Variants in MBD5 observed in about 807,000 individuals in gnomAD.
MBD5 encodes the protein methyl-CpG binding domain protein 5, also known as methyl-CpG-binding domain protein 5.
A neutral mutation model predicts 117.3 loss-of-function variants in MBD5; 13 were observed. The observed-to-expected ratio is 0.11, with a 90% confidence interval of 0.07 to 0.18. The LOEUF (loss-of-function observed/expected upper bound fraction) is 0.18. Among genes scored for constraint, MBD5 ranks in the 10% least tolerant of loss-of-function variants. The pLI is 1.00. For synonymous variants in MBD5, 727 were observed against 766.4 expected (o/e 0.95, Z 0.85); for missense variants, 1,879 against 2,093.8 (o/e 0.90, Z 2.00).
intron 2 of MBD5, among the ~76,000 whole-genome samples, chr2:148,195,537 A>G (rs1698961774): frequency 6.6e-6 from 1 of 152,176 alleles, no homozygotes. Flanking sequence ...CTTCAACAAC[A>G]CTAAAAACTA....
At chr2:148,199,011 T>C (rs1321169565) in intron 2 of MBD5, among the ~76,000 whole-genome samples, 2 of 151,920 alleles carry the variant, frequency 1.3e-5, no homozygotes, top group Non-Finnish European at 2.9e-5. Flanking sequence ...TATGTATTTA[T>C]GCATGTATAT....
intron 4 of MBD5, among the ~76,000 whole-genome samples, chr2:148,422,150 A>G (rs973912081): frequency 1.3e-5 from 2 of 152,176 alleles, no homozygotes; most frequent in African/African-American, 4.8e-5. Flanking sequence ...GACACCTTTC[A>G]GTAGGGGCTG....
intron 1 of MBD5, among the ~76,000 whole-genome samples, chr2:148,105,470 C>T (rs1036599128): frequency 6.6e-6 from 1 of 152,078 alleles, no homozygotes; most frequent in African/African-American, 2.4e-5. Flanking sequence ...CTGCCCGGAT[C>T]GGCCTCCCAG....
At chr2:148,493,510 A>G (rs1022992215) in intron 11 of MBD5, among the ~76,000 whole-genome samples, 1 of 152,226 alleles carries the variant, frequency 6.6e-6, no homozygotes, top group Non-Finnish European at 1.5e-5. Context: ...GAAGATTACT[A>G]TTTCAAAACA....
intron 4 of MBD5, among the ~76,000 whole-genome samples, chr2:148,403,947 A>G (rs1042157001): frequency 6.6e-6 from 1 of 151,996 alleles, no homozygotes; most frequent in African/African-American, 2.4e-5. Context: ...AAAGTTTGCC[A>G]TTTCAAAAAT....
intron 3 of MBD5, among the ~76,000 whole-genome samples, chr2:148,341,872 G>T (rs1052873193): frequency 2.9e-5 from 4 of 136,454 alleles, no homozygotes; most frequent in African/African-American, 1.1e-4. Flanking sequence ...GATGTTGAGA[G>T]AATTAAATGA....
chr2:148,235,014 A>G (rs943184815), intron 3 of MBD5, among the ~76,000 whole-genome samples: 4 of 152,104 alleles, frequency 2.6e-5, no homozygotes, highest in Non-Finnish European at 4.4e-5. Context: ...AGAACCCCCT[A>G]TGAATACCAA....
rs145654654 is a variant in MBD5 at position 148,280,767 on chromosome 2, G to T, written c.-680+47372G>T. Among the ~76,000 whole-genome samples, 335 of 152,176 alleles carry T rather than the reference G, an allele frequency of 2.2e-3. 3 individuals carry two copies. Among genetic ancestry groups the T allele is most frequent in the Admixed American group, 9.6e-3 (146 of 15,268 alleles). On this transcript the variant is annotated intron_variant, in intron 3 of 13. Coordinates refer to ENST00000642680, the MANE Select transcript of MBD5 (RefSeq NM_001378120.1). ...CTTGCTGTGAAAAGTAGTTATTTCA[G>T]CAAACACATGTAGCAGGTAAACTAG...
chr2:148,468,073 A>T (rs1231130491), intron 7 of MBD5, among the ~76,000 whole-genome samples: 2 of 152,194 alleles, frequency 1.3e-5, no homozygotes, highest in Non-Finnish European at 2.9e-5. Context: ...TTCTCAACAG[A>T]TAAAGAGTAA....
intron 2 of MBD5, among the ~76,000 whole-genome samples, chr2:148,199,114 C>T (rs761682349): frequency 6.6e-5 from 10 of 152,146 alleles, no homozygotes; most frequent in Non-Finnish European, 1.5e-5. Context: ...AGGCTGAAAA[C>T]TCTCGGGCAG....
chr2:148,202,446 A>G (rs537395680), intron 2 of MBD5, among the ~76,000 whole-genome samples: 4 of 152,278 alleles, frequency 2.6e-5, no homozygotes, highest in Non-Finnish European at 5.9e-5. Context: ...TTCAGCAAAA[A>G]CAATTGTACT....
intron 11 of MBD5, among the ~76,000 whole-genome samples, chr2:148,498,582 C>T (rs1186625812): frequency 2.0e-5 from 3 of 152,152 alleles, no homozygotes; most frequent in Non-Finnish European, 2.9e-5. Context: ...ATGATCCACC[C>T]GCCTCGACCT....
At chr2:148,064,121 C>CTTTT (rs200434229) in intron 1 of MBD5, among the ~76,000 whole-genome samples, 4,234 of 125,828 alleles carry the variant, frequency 0.034, 378 homozygotes, top group African/African-American at 0.095. Flanking sequence ...CACCAGCTGT[C>CTTTT]TTTTTTCTTT....
intron 3 of MBD5, among the ~76,000 whole-genome samples, chr2:148,269,668 G>GTTTTTTTTTT (rs11316954): frequency 6.4e-5 from 8 of 125,842 alleles, no homozygotes; most frequent in East Asian, 2.2e-4. Context: ...AGTTTTTTTA[G>GTTTTTTTTTT]TTTTTTTTTT....
chr2:148,119,450 C>T (rs1696715267), intron 1 of MBD5, among the ~76,000 whole-genome samples: 1 of 152,016 alleles, frequency 6.6e-6, no homozygotes, highest in African/African-American at 2.4e-5. Context: ...TTCTCTTATC[C>T]TATGGGTTTT....
intron 1 of MBD5, among the ~76,000 whole-genome samples, chr2:148,035,760 A>G (rs1016606977): frequency 2.0e-5 from 3 of 152,190 alleles, no homozygotes; most frequent in Admixed American, 6.6e-5. Flanking sequence ...CCACTTAACT[A>G]GCTATGGGAT....
chr2:148,241,474 C>G (rs1700214632), intron 3 of MBD5, among the ~76,000 whole-genome samples: 1 of 152,100 alleles, frequency 6.6e-6, no homozygotes, highest in Admixed American at 6.5e-5. Context: ...TTTTTGCTTT[C>G]CAGCTGTTAC....
chr2:148,171,504 G>A (rs1698262256), intron 1 of MBD5, among the ~76,000 whole-genome samples: 1 of 152,166 alleles, frequency 6.6e-6, no homozygotes, highest in Non-Finnish European at 1.5e-5. Flanking sequence ...ATGACATTCA[G>A]CTAACATCAT....
intron 4 of MBD5, among the ~76,000 whole-genome samples, chr2:148,356,515 A>G (rs1007556092): frequency 2.6e-5 from 4 of 152,112 alleles, no homozygotes; most frequent in Admixed American, 1.3e-4. Context: ...TACTTTCCCC[A>G]TCATTACTGT....
Sources: gnomAD v4.1 joint callset for allele counts (sites outside exome capture counted in the v4.1 genomes callset) on GRCh38, gnomAD v4.1.1 for gene constraint, MANE v1.5 for transcripts, NCBI Gene and HGNC (gene_info 2026-07-23, HGNC 2026-07-21) for gene names.